The following RIMS1 variants were observed in gnomAD, a reference collection of about 807,000 sequenced individuals.
RIMS1 encodes the protein regulating synaptic membrane exocytosis protein 1.
RIMS1 carries 83 observed loss-of-function variants against 214.1 expected under a neutral mutation model. The ratio of observed to expected loss-of-function variants is 0.39; its 90% confidence interval spans 0.32 to 0.47. The LOEUF (loss-of-function observed/expected upper bound fraction) is 0.47, where lower values mean the gene tolerates loss of function less well. Among genes scored for constraint, RIMS1 ranks in the 20% least tolerant of loss-of-function variants. The probability of loss-of-function intolerance (pLI) is 0.99; values close to 1 mark genes in which losing one functional copy is unlikely to be tolerated. For missense variants in RIMS1, 2,050 were observed against 2,161.8 expected, an observed-to-expected ratio of 0.95 and a Z score of 1.03; for synonymous variants, 793 against 786.8, an observed-to-expected ratio of 1.01 and a Z score of -0.13.
chr6:71,951,052 A>C (rs867325993), intron 1 of RIMS1, among the ~76,000 whole-genome samples: 5 of 152,226 alleles, frequency 3.3e-5, no homozygotes, highest in African/African-American at 1.2e-4. Context: ...GCATGCAAAC[A>C]TCAAATACAC....
chr6:72,135,067 A>G (rs1450116525), intron 4 of RIMS1, among the ~76,000 whole-genome samples: 1 of 152,208 alleles, frequency 6.6e-6, no homozygotes, highest in African/African-American at 2.4e-5. Flanking sequence ...TAGAACACAT[A>G]TATAAACACC....
rs542433472 is a variant in RIMS1 at position 72,045,186 on chromosome 6, AGT to A, written c.246-51761_246-51760del. Among the ~76,000 whole-genome samples, 27 of 152,070 alleles carry A rather than the reference AGT, an allele frequency of 1.8e-4. No individual in the cohort carries two copies. In the East Asian group the frequency reaches 5.2e-3, roughly 29 times the overall value. ...TCAGAAAACAGTGACTCGGGGAGAGAGTGGGAATTGACTGCAAAGGGATATAA... is the reference window on the plus strand; with the variant it reads ...TCAGAAAACAGTGACTCGGGGAGAGAGGGAATTGACTGCAAAGGGATATAA... On this transcript the variant is annotated intron_variant, in intron 2 of 33. Transcript: ENST00000521978.
intron 2 of RIMS1, among the ~76,000 whole-genome samples, chr6:71,993,409 A>T (rs1802478899): frequency 6.6e-6 from 1 of 152,236 alleles, no homozygotes; most frequent in African/African-American, 2.4e-5. Flanking sequence ...AGTTCATGAC[A>T]TGCAAAGCAG....
chr6:72,361,096 C>CTTT lies in RIMS1; in HGVS notation c.4366+27289_4366+27291dup, dbSNP rs70994124. ...CTTCTGTAGGAACGGGTCTTTCTTTCTTTTTTTTTTTTTTTTTTTTTTTTT... is the reference window on the plus strand; with the variant it reads ...CTTCTGTAGGAACGGGTCTTTCTTTCTTTTTTTTTTTTTTTTTTTTTTTTTTTT... On this transcript the variant is annotated intron_variant, in intron 29 of 33. Coordinates refer to ENST00000521978, the MANE Select transcript of RIMS1 (RefSeq NM_014989.7). 3.0e-3 allele frequency among the ~76,000 whole-genome samples: 162 copies of CTTT among 54,462 alleles called. 3 individuals are homozygous for CTTT. Among genetic ancestry groups the CTTT allele is most frequent in the Middle Eastern group, 0.015 (1 of 66 alleles). 35.7% of individuals were successfully genotyped at this position (54,462 alleles called of 152,430 possible).
intron 6 of RIMS1, among the ~76,000 whole-genome samples, chr6:72,221,346 A>G (rs1007747476): frequency 2.7e-5 from 4 of 150,704 alleles, no homozygotes; most frequent in African/African-American, 9.8e-5. Flanking sequence ...CATTAAAACT[A>G]TTAGTACATC....
chr6:72,329,281 C>A (rs2096582021), intron 28 of RIMS1, among the ~76,000 whole-genome samples: 1 of 151,718 alleles, frequency 6.6e-6, no homozygotes, highest in Non-Finnish European at 1.5e-5. Context: ...AAACACTAAT[C>A]ACCAGAAAAA....
intron 23 of RIMS1, among the ~76,000 whole-genome samples, chr6:72,275,352 A>G (rs966346986): frequency 6.6e-6 from 1 of 151,224 alleles, no homozygotes; most frequent in Admixed American, 6.6e-5. Flanking sequence ...AAATGTACAG[A>G]TTTTTTTTAG....
intron 2 of RIMS1, among the ~76,000 whole-genome samples, chr6:72,091,375 G>T (rs1259098517): frequency 6.6e-6 from 1 of 152,106 alleles, no homozygotes; most frequent in Admixed American, 6.5e-5. Context: ...ATACCAAATA[G>T]AAAAATGTGA....
At position 72,265,450 on chromosome 6, in the gene RIMS1, T is replaced by C. The variant is rs201861197; in HGVS notation, c.3255T>C (p.His1085=). The change falls in exon 21 of 34, where the codon CAT becomes CAC. Residue 1085 remains histidine (H), a synonymous_variant. Transcript: ENST00000521978. ...KSVTRQDISL[H]HECFNSTVLR... is the part of the protein sequence containing the mutation. ...TGACTAGACAGGACATTTCCCTTCATCATGAATGCTTTAACTCAACAGTAT... is the reference window on the plus strand; with the variant it reads ...TGACTAGACAGGACATTTCCCTTCACCATGAATGCTTTAACTCAACAGTAT... 6 of 1,610,450 alleles carry C rather than the reference T, an allele frequency of 3.7e-6. No individual in the cohort carries two copies. Among genetic ancestry groups the C allele is most frequent in the Non-Finnish European group, 4.2e-6 (5 of 1,177,346 alleles).
intron 4 of RIMS1, among the ~76,000 whole-genome samples, chr6:72,104,639 C>T (rs1410607840): frequency 6.6e-6 from 1 of 152,136 alleles, no homozygotes; most frequent in African/African-American, 2.4e-5. Context: ...ATAGAATTTG[C>T]ATCTTGCTGA....
At chr6:72,026,986 T>C (rs1013334180) in intron 2 of RIMS1, among the ~76,000 whole-genome samples, 9 of 152,160 alleles carry the variant, frequency 5.9e-5, no homozygotes, top group African/African-American at 2.2e-4. Flanking sequence ...TCATCTGCAG[T>C]TTAAGCTCTA....
chr6:71,967,337 G>C (rs938719439), intron 1 of RIMS1, among the ~76,000 whole-genome samples: 5 of 152,126 alleles, frequency 3.3e-5, no homozygotes, highest in African/African-American at 1.2e-4. Context: ...GCAGTGAGTA[G>C]AGATTGCACC....
At chr6:72,222,316 ATTGAT>A (rs2058716079) in intron 6 of RIMS1, among the ~76,000 whole-genome samples, 1 of 152,096 alleles carries the variant, frequency 6.6e-6, no homozygotes, top group African/African-American at 2.4e-5. Context: ...CTTAAAAGAC[ATTGAT>A]TTAAGAATCT....
chr6:72,173,772 G>A (rs2047346389), intron 4 of RIMS1, among the ~76,000 whole-genome samples: 1 of 151,882 alleles, frequency 6.6e-6, no homozygotes, highest in Non-Finnish European at 1.5e-5. Flanking sequence ...ATATATAGGG[G>A]AATAAACAAA....
intron 19 of RIMS1, chr6:72,261,915 A>C: frequency 1.0e-6 from 1 of 985,000 alleles, no homozygotes; most frequent in Non-Finnish European, 1.2e-6. Flanking sequence ...AACCTACTGA[A>C]GGTCAAAGCA....
intron 2 of RIMS1, among the ~76,000 whole-genome samples, chr6:72,086,023 T>A (rs1425769101): frequency 6.6e-6 from 1 of 152,172 alleles, no homozygotes; most frequent in Non-Finnish European, 1.5e-5. Flanking sequence ...TGTGTCTATA[T>A]TTTCCCAAAT....
At position 72,059,605 on chromosome 6, in the gene RIMS1, T is replaced by TTTTGATTGAATCA. The variant is rs532413911; in HGVS notation, c.246-37344_246-37343insTTTGATTGAATCA. Among the ~76,000 whole-genome samples, 294 of 152,306 alleles carry TTTTGATTGAATCA rather than the reference T, an allele frequency of 1.9e-3. 1 individual carries two copies. Among genetic ancestry groups the TTTTGATTGAATCA allele is most frequent in the African/African-American group, 6.7e-3 (278 of 41,558 alleles). On this transcript the variant is annotated intron_variant, in intron 2 of 33. Coordinates refer to ENST00000521978, the MANE Select transcript of RIMS1 (RefSeq NM_014989.7). ...AACTACTATGTATTAAAATTCAATT[T>TTTTGATTGAATCA]ATTGATTGATTAAGCTGTAAGAAGG... is the stretch of plus-strand genomic sequence containing the variant.
intron 4 of RIMS1, among the ~76,000 whole-genome samples, chr6:72,117,537 C>T (rs1363475967): frequency 6.6e-6 from 1 of 151,776 alleles, no homozygotes; most frequent in African/African-American, 2.4e-5. Flanking sequence ...CAAAACAAGT[C>T]TAAATAAATT....
At chr6:72,345,007 G>A (rs1209897807) in intron 29 of RIMS1, among the ~76,000 whole-genome samples, 1 of 151,674 alleles carries the variant, frequency 6.6e-6, no homozygotes, top group Non-Finnish European at 1.5e-5. Context: ...ACAACACTTA[G>A]CACTAAAATA....
Sources: allele counts gnomAD v4.1 joint callset (sites outside exome capture counted in the v4.1 genomes callset), GRCh38; gene constraint gnomAD v4.1.1; transcripts MANE v1.5; gene names NCBI Gene and HGNC (gene_info 2026-07-23, HGNC 2026-07-21).